AP2B1: variants seen among roughly 807,000 people sequenced by gnomAD.
AP2B1 encodes adaptor related protein complex 2 subunit beta 1.
In AP2B1, 23 loss-of-function variants were observed where a neutral mutation model predicts 102.0. That is an observed-to-expected ratio of 0.23 (90% CI 0.16 to 0.32). The LOEUF (loss-of-function observed/expected upper bound fraction) is 0.32. AP2B1 is among the 10% of genes least tolerant of loss of function. AP2B1 has a pLI of 1.00. For synonymous variants in AP2B1, 381 were observed against 421.2 expected (o/e 0.90, Z 1.17); for missense variants, 541 against 1,157.4 (o/e 0.47, Z 7.73).
At chr17:35,663,454 G>A (rs2075399409) in intron 14 of AP2B1, among the ~76,000 whole-genome samples, 1 of 152,124 alleles carries the variant, frequency 6.6e-6, no homozygotes, top group Admixed American at 6.5e-5. Flanking sequence ...TGAACCCAGG[G>A]CTTCTTTAAA....
intron 20 of AP2B1, among the ~76,000 whole-genome samples, chr17:35,711,593 A>T (rs1218474003): frequency 6.6e-6 from 1 of 151,884 alleles, no homozygotes; most frequent in Non-Finnish European, 1.5e-5. Context: ...CTCAGCCTCC[A>T]GAGTAGCTGG....
At chr17:35,657,489 C>A in intron 13 of AP2B1, 110 bp from the exon 14 acceptor site, 1 of 744,920 alleles carries the variant, frequency 1.3e-6, no homozygotes, top group South Asian at 2.8e-5. Context: ...GTTTTTCCCC[C>A]TTGTATTTGA....
intron 18 of AP2B1, among the ~76,000 whole-genome samples, chr17:35,701,221 C>G (rs1598323023): frequency 6.6e-6 from 1 of 152,268 alleles, no homozygotes; most frequent in South Asian, 2.1e-4. Context: ...ATTACTTACT[C>G]TTCATGAGAT....
chr17:35,702,161 A>C (rs2076251488), intron 18 of AP2B1, among the ~76,000 whole-genome samples: 2 of 152,348 alleles, frequency 1.3e-5, no homozygotes, highest in Admixed American at 6.5e-5. Context: ...AGTACAATAC[A>C]TAGTATATCA....
intron 18 of AP2B1, among the ~76,000 whole-genome samples, chr17:35,693,405 C>T (rs2076078658): frequency 6.6e-6 from 1 of 152,104 alleles, no homozygotes; most frequent in African/African-American, 2.4e-5. Context: ...AATTAAGTTT[C>T]TGAATCAAGG....
intron 21 of AP2B1, 66 bp downstream of exon 21, chr17:35,717,415 C>T: frequency 6.4e-7 from 1 of 1,569,940 alleles, no homozygotes; most frequent in Non-Finnish European, 8.7e-7. Context: ...TTCATGTTTA[C>T]TTAGCACCCT....
chr17:35,651,331 G>A (rs2075080887), intron 13 of AP2B1, among the ~76,000 whole-genome samples: 2 of 151,908 alleles, frequency 1.3e-5, no homozygotes, highest in Admixed American at 6.6e-5. Flanking sequence ...TCAGTTACCT[G>A]TACTTTTTTA....
chr17:35,614,966 A>C (rs2073973050), intron 5 of AP2B1, among the ~76,000 whole-genome samples: 1 of 152,208 alleles, frequency 6.6e-6, no homozygotes, highest in South Asian at 2.1e-4. Flanking sequence ...AATGTCTAGT[A>C]ACATTTTTTT....
intron 9 of AP2B1, among the ~76,000 whole-genome samples, chr17:35,635,575 G>C (rs2074584645): frequency 1.3e-5 from 2 of 151,928 alleles, no homozygotes; most frequent in Admixed American, 1.3e-4. Flanking sequence ...GTAGAAACAG[G>C]GTTTCACCAT....
chr17:35,596,582 T>C (rs1292563005), intron 2 of AP2B1, among the ~76,000 whole-genome samples: 1 of 151,404 alleles, frequency 6.6e-6, no homozygotes, highest in Non-Finnish European at 1.5e-5. Context: ...GGCGCCGTCA[T>C]CCCGCGCCTG....
intron 21 of AP2B1, among the ~76,000 whole-genome samples, chr17:35,722,785 C>T (rs1306998918): frequency 1.3e-5 from 2 of 152,098 alleles, no homozygotes; most frequent in South Asian, 2.1e-4. Context: ...TTCTAGAGTG[C>T]GTTTTGCATG....
At chr17:35,715,718 T>C (rs1555589528) in intron 20 of AP2B1, among the ~76,000 whole-genome samples, 1 of 152,246 alleles carries the variant, frequency 6.6e-6, no homozygotes, top group Non-Finnish European at 1.5e-5. Context: ...TTGAGGCCCC[T>C]TCTTCCAGCA....
At chr17:35,604,601 T>TAC (rs2073604460) in intron 3 of AP2B1, among the ~76,000 whole-genome samples, 1 of 151,892 alleles carries the variant, frequency 6.6e-6, no homozygotes, top group African/African-American at 2.4e-5. Flanking sequence ...CTACTAAAAA[T>TAC]ATAAAAATTA....
At chr17:35,674,106 ATTTG>A (rs1567957506) in intron 16 of AP2B1, 66 bp from the exon 17 acceptor site, 42 of 1,467,368 alleles carry the variant, frequency 2.9e-5, no homozygotes, top group Non-Finnish European at 3.7e-5. Context: ...TTTGTTTTTT[ATTTG>A]TTAAAAAATG....
At chr17:35,690,669 C>T (rs1301886602) in intron 18 of AP2B1, among the ~76,000 whole-genome samples, 1 of 152,208 alleles carries the variant, frequency 6.6e-6, no homozygotes, top group African/African-American at 2.4e-5. Context: ...AGAGGTGCTA[C>T]CAGTCCTAAG....
At chr17:35,642,679 G>A (rs986841141) in intron 12 of AP2B1, among the ~76,000 whole-genome samples, 3 of 152,146 alleles carry the variant, frequency 2.0e-5, no homozygotes, top group Non-Finnish European at 4.4e-5. Context: ...TACGATGTGT[G>A]TCTGCAAATG....
At chr17:35,616,234 G>A (rs1161396938) in intron 5 of AP2B1, among the ~76,000 whole-genome samples, 3 of 119,760 alleles carry the variant, frequency 2.5e-5, no homozygotes, top group Non-Finnish European at 3.2e-5. Flanking sequence ...GCGCGATCTC[G>A]GCTCACTGCA....
intron 17 of AP2B1, among the ~76,000 whole-genome samples, chr17:35,680,736 G>A (rs1413917968): frequency 3.0e-5 from 4 of 135,562 alleles, no homozygotes; most frequent in East Asian, 2.2e-4. Context: ...TTGCTCTGTC[G>A]CCCAGCCTGG....
intron 18 of AP2B1, among the ~76,000 whole-genome samples, chr17:35,701,826 C>T (rs2076244828): frequency 6.6e-6 from 1 of 152,118 alleles, no homozygotes; most frequent in African/African-American, 2.4e-5. Context: ...TTAGGTTGCC[C>T]AAGCTTGTCT....
Sources: gnomAD v4.1 joint callset for allele counts (sites outside exome capture counted in the v4.1 genomes callset) on GRCh38, gnomAD v4.1.1 for gene constraint, MANE v1.5 for transcripts, NCBI Gene and HGNC (gene_info 2026-07-23, HGNC 2026-07-21) for gene names.